Variants in LEMD2 observed in about 807,000 individuals in gnomAD.
LEMD2 encodes LEM domain nuclear envelope protein 2.
LEMD2 carries 34 observed loss-of-function variants against 58.8 expected under a neutral mutation model. The observed-to-expected ratio is 0.58, with a 90% CI of 0.44 to 0.77. LEMD2 has a LOEUF of 0.77. LEMD2 is among the 30% of genes least tolerant of loss of function. LEMD2 has a pLI of 0.00. For missense variants in LEMD2, 629 were observed against 717.9 expected (o/e 0.88, Z 1.42); for synonymous variants, 298 against 308.9 (o/e 0.96, Z 0.37).
chr6:33,783,187 CT>C (rs1231210059), intron 3 of LEMD2, among the ~76,000 whole-genome samples: 1 of 152,212 alleles, frequency 6.6e-6, no homozygotes, highest in Non-Finnish European at 1.5e-5. Context: ...GTTTGGAACA[CT>C]CTCTTAGGTC....
chr6:33,783,558 A>G (rs1279871173), intron 3 of LEMD2, among the ~76,000 whole-genome samples: 1 of 152,262 alleles, frequency 6.6e-6, no homozygotes, highest in African/African-American at 2.4e-5. Context: ...CAAGGCGCAC[A>G]TGCTGATATT....
At chr6:33,781,036 C>A in intron 4 of LEMD2, 41 bp downstream of exon 4, 1 of 1,381,652 alleles carries the variant, frequency 7.2e-7, no homozygotes, top group Non-Finnish European at 1.0e-6. Context: ...AGGAAAGCAC[C>A]AGGCCCTCCC....
chr6:33,772,862 TC>T, intron 8 of LEMD2, 84 bp from the exon 9 acceptor site: 1 of 1,277,756 alleles, frequency 7.8e-7, no homozygotes, highest in Non-Finnish European at 1.1e-6. Context: ...GGCACACATT[TC>T]CAGGCTCTGG....
At chr6:33,780,227 G>T in intron 4 of LEMD2, 48 bp from the exon 5 acceptor site, 1 of 1,466,728 alleles carries the variant, frequency 6.8e-7, no homozygotes, top group Non-Finnish European at 9.4e-7. Context: ...GGGCGGAGCA[G>T]CTGGAACATT....
chr6:33,783,517 T>C (rs943153284), intron 3 of LEMD2, among the ~76,000 whole-genome samples: 1 of 152,248 alleles, frequency 6.6e-6, no homozygotes, highest in Non-Finnish European at 1.5e-5. Flanking sequence ...AGAACTGCTC[T>C]GTCTGGTTCT....
chr6:33,786,478 C>T (rs945322480), intron 2 of LEMD2, among the ~76,000 whole-genome samples: 4 of 152,180 alleles, frequency 2.6e-5, no homozygotes, highest in Admixed American at 2.6e-4. Flanking sequence ...AGATCAAAGT[C>T]CCCGATGCTA....
At chr6:33,773,105 T>C (rs1767342454) in intron 8 of LEMD2, among the ~76,000 whole-genome samples, 1 of 152,130 alleles carries the variant, frequency 6.6e-6, no homozygotes, top group African/African-American at 2.4e-5. Context: ...GCGCAGCCCT[T>C]GCCAAGCCAG....
intron 8 of LEMD2, among the ~76,000 whole-genome samples, chr6:33,775,874 G>A (rs943473): frequency 6.6e-6 from 1 of 152,080 alleles, no homozygotes; most frequent in Non-Finnish European, 1.5e-5. Flanking sequence ...CGGCTCCCAG[G>A]GAGCACTCAG....
At position 33,788,318 on chromosome 6, in the gene LEMD2, G is replaced by C. The variant is rs377645639; in HGVS notation, c.736+63C>G. On this transcript the variant is annotated intron_variant, in intron 1 of 8. Coordinates refer to ENST00000293760, the MANE Select transcript of LEMD2 (RefSeq NM_181336.4). Reference sequence around the variant, plus strand: ...TGCGCGGCCTGGCGCCGACAGGAACGGGGGGTCCTCCGGCGGACACACGCG... The same window carrying C: ...TGCGCGGCCTGGCGCCGACAGGAACCGGGGGTCCTCCGGCGGACACACGCG... The C allele has an allele frequency of 1.2e-5, 17 of 1,464,588 alleles. No individual in the cohort carries two copies. The South Asian group carries it at 1.3e-4, about 11-fold the overall frequency. 90.7% of individuals were successfully genotyped at this position (1,464,588 alleles called of 1,614,324 possible).
intron 8 of LEMD2, 183 bp downstream of exon 8, chr6:33,776,771 T>C (rs1582253464): frequency 1.6e-6 from 1 of 621,438 alleles, no homozygotes; most frequent in Non-Finnish European, 2.9e-6. Context: ...TTCTAGCTCA[T>C]CCTGCCATAA....
chr6:33,773,499 C>T (rs1264635725), intron 8 of LEMD2, among the ~76,000 whole-genome samples: 1 of 152,094 alleles, frequency 6.6e-6, no homozygotes, highest in Non-Finnish European at 1.5e-5. Context: ...AGCCCACCTC[C>T]CCATGACACC....
chr6:33,779,927 A>G (rs1767525355), intron 5 of LEMD2, 173 bp downstream of exon 5: 1 of 601,924 alleles, frequency 1.7e-6, no homozygotes, highest in African/African-American at 1.9e-5. Flanking sequence ...CTGCATTCCA[A>G]ATGCTTCTTG....
rs1006662801 is a variant in LEMD2 at position 33,786,929 on chromosome 6, C to T, written c.737-155G>A. On this transcript the variant is annotated intron_variant, in intron 1 of 8. Transcript: ENST00000293760. ...ATCTAAGGAAGGCACTTTTAAAATG[C>T]AGACAGCAAAATGTAAGGGTATCCA... 4 of 1,446,902 alleles carry T rather than the reference C, an allele frequency of 2.8e-6. No homozygotes were observed. In the African/African-American group the frequency reaches 5.8e-5, roughly 21 times the overall value. The allele number at this position is 1,446,902 out of a possible 1,614,324, so 89.6% of individuals were successfully genotyped here. A position where few individuals can be genotyped will look rare whatever the true frequency, so the allele number is the denominator to read the frequency against.
rs772547240 is a variant in LEMD2, at chr6:33,780,110, C to T, written c.1000G>A (p.Val334Met). Reference protein sequence around the residue: ...LTWILSSNKDVGIWLKGEDQS... With the variant: ...LTWILSSNKDMGIWLKGEDQS... ...CCTGCCCACACTCACCAGATGCCCACGTCCTTGTTACTGCTCAGTATCCAG... is the reference window on the plus strand; with the variant it reads ...CCTGCCCACACTCACCAGATGCCCATGTCCTTGTTACTGCTCAGTATCCAG... Residue 334 changes from valine (V) to methionine (M), a missense_variant, in exon 5 of 9, where the codon GTG (valine) becomes ATG (methionine). By Grantham distance (21) the Val-to-Met change is conservative. Transcript: ENST00000293760. 19 of 1,590,916 alleles carry T rather than the reference C, an allele frequency of 1.2e-5. No homozygotes were observed. Among genetic ancestry groups the T allele is most frequent in the Non-Finnish European group, 1.5e-5 (17 of 1,167,314 alleles).
intron 1 of LEMD2, among the ~76,000 whole-genome samples, chr6:33,787,956 A>G (rs1042009840): frequency 1.3e-5 from 2 of 152,234 alleles, no homozygotes; most frequent in Admixed American, 1.3e-4. Flanking sequence ...ACCAGATCCT[A>G]TCTGTGGGCC....
At chr6:33,777,587 G>A (rs1425896251) in intron 6 of LEMD2, among the ~76,000 whole-genome samples, 1 of 152,132 alleles carries the variant, frequency 6.6e-6, no homozygotes, top group East Asian at 1.9e-4. Context: ...TTTGTATTCC[G>A]AGATGCTGCT....
intron 2 of LEMD2, among the ~76,000 whole-genome samples, chr6:33,785,515 A>C (rs1003154419): frequency 2.0e-5 from 3 of 152,342 alleles, no homozygotes; most frequent in Non-Finnish European, 2.9e-5. Context: ...AGATCAGAGA[A>C]GGCCAGGGAA....
At chr6:33,775,075 A>T in intron 8 of LEMD2, among the ~76,000 whole-genome samples, 1 of 152,236 alleles carries the variant, frequency 6.6e-6, no homozygotes, top group East Asian at 1.9e-4. Context: ...GCACAGGTTG[A>T]CTGAGATGCT....
intron 5 of LEMD2, chr6:33,779,255 G>T (rs1767510571): frequency 6.7e-6 from 1 of 150,016 alleles, no homozygotes; most frequent in Non-Finnish European, 1.5e-5. Flanking sequence ...AGCTACTCAG[G>T]GCAGCTTTTT....
Sources: allele counts gnomAD v4.1 joint callset (sites outside exome capture counted in the v4.1 genomes callset), GRCh38; gene constraint gnomAD v4.1.1; transcripts MANE v1.5; gene names NCBI Gene and HGNC (gene_info 2026-07-23, HGNC 2026-07-21).